SCN9A: variants seen among roughly 807,000 people sequenced by gnomAD.
The protein encoded by SCN9A is sodium voltage-gated channel alpha subunit 9, also known as sodium channel protein type 9 subunit alpha.
A neutral mutation model predicts 187.0 loss-of-function variants in SCN9A; 131 were observed. That is an observed-to-expected ratio of 0.70 (90% confidence interval 0.61 to 0.81). SCN9A has a LOEUF of 0.81. SCN9A is among the 30% of genes least tolerant of loss of function. The pLI, the probability that SCN9A is intolerant of heterozygous loss-of-function variation, is 0.00. For missense variants in SCN9A, 2,252 were observed against 2,396.6 expected (o/e 0.94, Z 1.26); for synonymous variants, 809 against 808.6 (o/e 1.00, Z -0.01).
At chr2:166,309,458 AATGTATACT>A (rs1698870352) in intron 2 of SCN9A, among the ~76,000 whole-genome samples, 2 of 152,220 alleles carry the variant, frequency 1.3e-5, no homozygotes, top group Non-Finnish European at 2.9e-5. Flanking sequence ...TATACTAAAC[AATGTATACT>A]ATGTTATACT....
intron 17 of SCN9A, among the ~76,000 whole-genome samples, chr2:166,262,902 CTG>C (rs1696572440): frequency 6.6e-6 from 1 of 151,952 alleles, no homozygotes; most frequent in Admixed American, 6.6e-5. Flanking sequence ...CAGCTGCTGT[CTG>C]TGGTTCTGTC....
At chr2:166,247,372 A>G (rs954177086) in intron 18 of SCN9A, among the ~76,000 whole-genome samples, 1 of 152,122 alleles carries the variant, frequency 6.6e-6, no homozygotes, top group Non-Finnish European at 1.5e-5. Flanking sequence ...AGAAAAAATA[A>G]AAGTCACAAA....
intron 14 of SCN9A, among the ~76,000 whole-genome samples, chr2:166,279,853 T>G (rs1697398963): frequency 6.6e-6 from 1 of 151,998 alleles, no homozygotes; most frequent in Non-Finnish European, 1.5e-5. Flanking sequence ...ATGATAAAAT[T>G]AAATACTACA....
intron 13 of SCN9A, among the ~76,000 whole-genome samples, chr2:166,281,142 C>A (rs1697466841): frequency 6.6e-6 from 1 of 152,048 alleles, no homozygotes; most frequent in Non-Finnish European, 1.5e-5. Context: ...AGACACTTTG[C>A]CCCCACAATG....
chr2:166,302,885 C>T (rs1320763200), intron 7 of SCN9A: 1 of 453,830 alleles, frequency 2.2e-6, no homozygotes, highest in Non-Finnish European at 3.9e-6. Flanking sequence ...ATCCTGTGTT[C>T]CTTTTGCCAG....
At chr2:166,305,691 C>T in intron 5 of SCN9A, 101 bp downstream of exon 5, 2 of 1,466,388 alleles carry the variant, frequency 1.4e-6, no homozygotes, top group Non-Finnish European at 1.9e-6. Flanking sequence ...ACAGACATTC[C>T]ATGCTGGAAA....
Position 166,268,855 on chromosome 2 carries a change from G to A in SCN9A, c.3351+3544C>T, listed in dbSNP as rs968238874. On this transcript the variant is annotated intron_variant, in intron 17 of 26. Transcript: ENST00000642356. ...TTATGAAGAAGGGTAAACTTTCAAAGTTCATAATTAGAAGTCAGTAGCACT... is the reference window on the plus strand; with the variant it reads ...TTATGAAGAAGGGTAAACTTTCAAAATTCATAATTAGAAGTCAGTAGCACT... 3.9e-5 allele frequency among the ~76,000 whole-genome samples: 6 copies of A among 152,024 alleles called. No individual in the cohort carries two copies. The East Asian group carries it at 9.7e-4, about 25-fold the overall frequency.
intron 2 of SCN9A, among the ~76,000 whole-genome samples, chr2:166,309,259 G>T (rs893635829): frequency 6.6e-6 from 1 of 152,028 alleles, no homozygotes; most frequent in Non-Finnish European, 1.5e-5. Context: ...CCTTATACTT[G>T]AAATTTTAAT....
chr2:166,365,287 GC>G (rs1700387802), intron 1 of SCN9A, among the ~76,000 whole-genome samples: 1 of 151,908 alleles, frequency 6.6e-6, no homozygotes, highest in South Asian at 2.1e-4. Context: ...ACATATACAT[GC>G]ATGTACATAT....
chr2:166,279,332 C>A (rs77155236), intron 14 of SCN9A, among the ~76,000 whole-genome samples: 2,235 of 152,234 alleles, frequency 0.015, 115 homozygotes, highest in Admixed American at 0.097. Context: ...TTTGGGACCA[C>A]AGCAAAAGCA....
At chr2:166,318,796 TG>T (rs778800909) in intron 1 of SCN9A, among the ~76,000 whole-genome samples, 1 of 152,094 alleles carries the variant, frequency 6.6e-6, no homozygotes, top group Non-Finnish European at 1.5e-5. Context: ...GATGGTTACA[TG>T]GGAAAATATG....
intron 17 of SCN9A, among the ~76,000 whole-genome samples, chr2:166,254,076 CTTG>C (rs1389329327): frequency 4.0e-5 from 6 of 151,164 alleles, no homozygotes; most frequent in African/African-American, 9.7e-5. Flanking sequence ...TATAGTGTAT[CTTG>C]TTGTTGAAAC....
Position 166,286,461 on chromosome 2 carries a change from C to T in SCN9A, c.1477G>A (p.Glu493Lys), listed in dbSNP as rs573411885. Residue 493 changes from glutamate to lysine, a missense_variant, in exon 11 of 27, where the codon GAA (glutamate) becomes AAA (lysine). This residue lies in a region of SCN9A where 1,013 missense variants were observed against 997.4 expected (regional missense o/e 1.02). Transcript: ENST00000642356. ...GACAATTTCTCAGCATCTCCCTTTT[C>T]CTCTCCACTGGAGAGCTTCTTTTGA... Reference protein sequence around the residue: ...KNQKKLSSGEEKGDAEKLSKS... With the variant: ...KNQKKLSSGEKKGDAEKLSKS... 6.2e-7 allele frequency: 1 copy of T among 1,613,926 alleles called. No homozygotes were observed. Among genetic ancestry groups the T allele is most frequent in the South Asian group, 1.1e-5 (1 of 91,082 alleles).
chr2:166,252,038 G>A, intron 17 of SCN9A, 153 bp from the exon 18 acceptor site: 1 of 745,074 alleles, frequency 1.3e-6, no homozygotes, highest in South Asian at 1.9e-5. Context: ...CACATATTGA[G>A]GTCAAGTAAC....
chr2:166,303,002 T>C, intron 7 of SCN9A, 88 bp downstream of exon 7: 3 of 1,058,414 alleles, frequency 2.8e-6, no homozygotes, highest in East Asian at 2.6e-5. Context: ...TTTGAAATGA[T>C]TAAAATGAAA....
At position 166,277,096 on chromosome 2, in the gene SCN9A, A is replaced by G; in HGVS notation, c.2761T>C (p.Phe921Leu). The G allele has an allele frequency of 6.2e-7, 1 of 1,614,080 alleles. No homozygotes were observed. The highest frequency in any genetic ancestry group is 8.5e-7 in the Non-Finnish European group (1 of 1,180,004). ...NDFFHSFLIV[F>L]RVLCGEWIET... The stretch of plus-strand genomic sequence containing the variant: ...ATCCACTCTCCACACAGCACGCGGA[A>G]CACAATCAGGAAGGAGTGGAAGAAG... Residue 921 changes from phenylalanine (F) to leucine (L), a missense_variant, in exon 16 of 27, where the codon TTC becomes CTC. Physicochemically the swap from Phe to Leu is conservative, Grantham distance 22. Coordinates refer to ENST00000642356, the MANE Select transcript of SCN9A (RefSeq NM_001365536.1).
chr2:166,232,288 G>C (rs1695118323), intron 21 of SCN9A, among the ~76,000 whole-genome samples: 1 of 152,132 alleles, frequency 6.6e-6, no homozygotes, highest in Admixed American at 6.6e-5. Flanking sequence ...TAACTTGTTT[G>C]TCTCTGCTAA....
At chr2:166,201,928 AC>A (rs1693555652) in intron 26 of SCN9A, among the ~76,000 whole-genome samples, 1 of 151,644 alleles carries the variant, frequency 6.6e-6, no homozygotes, top group Admixed American at 6.6e-5. Flanking sequence ...AAAATAATCC[AC>A]AATTTTCCTT....
At chr2:166,337,334 G>T (rs536281976) in intron 1 of SCN9A, among the ~76,000 whole-genome samples, 2 of 152,186 alleles carry the variant, frequency 1.3e-5, no homozygotes, top group South Asian at 4.2e-4. Context: ...TCCAATTTTG[G>T]ACATCCTGTG....
Sources: gnomAD v4.1 joint callset for allele counts (sites outside exome capture counted in the v4.1 genomes callset) on GRCh38, gnomAD v4.1.1 for gene constraint, gnomAD v4.1.1 regional missense constraint, MANE v1.5 for transcripts, NCBI Gene and HGNC (gene_info 2026-07-23, HGNC 2026-07-21) for gene names.